CDH20: variants seen among roughly 807,000 people sequenced by gnomAD.
The protein encoded by CDH20 is cadherin-20.
A neutral mutation model predicts 74.2 loss-of-function variants in CDH20; 29 were observed. That is an observed-to-expected ratio of 0.39 (90% confidence interval 0.29 to 0.53). The LOEUF (loss-of-function observed/expected upper bound fraction) is 0.53. Among genes scored for constraint, CDH20 ranks in the 20% least tolerant of loss-of-function variants. CDH20 has a pLI of 0.69. For synonymous variants in CDH20, 469 were observed against 405.4 expected, an observed-to-expected ratio of 1.16 and a Z score of -1.88; for missense variants, 988 against 1,048.3, an observed-to-expected ratio of 0.94 and a Z score of 0.79.
chr18:61,518,225 C>A (rs898417565), intron 6 of CDH20, among the ~76,000 whole-genome samples: 1 of 152,218 alleles, frequency 6.6e-6, no homozygotes, highest in African/African-American at 2.4e-5. Flanking sequence ...TGCCTGCCAG[C>A]TCTGAAGACA....
At chr18:61,491,450 T>G (rs112807529) in intron 2 of CDH20, among the ~76,000 whole-genome samples, 3 of 152,292 alleles carry the variant, frequency 2.0e-5, no homozygotes, top group African/African-American at 7.2e-5. Flanking sequence ...GACAAGAAAC[T>G]AATTAGAAAA....
intron 6 of CDH20, among the ~76,000 whole-genome samples, chr18:61,515,808 T>C (rs1175512693): frequency 6.8e-6 from 1 of 147,550 alleles, no homozygotes; most frequent in Non-Finnish European, 1.5e-5. Context: ...GGGATAGCAT[T>C]GGGAGATATA....
At position 61,555,496 on chromosome 18, in the gene CDH20, A is replaced by C. The variant is rs1913599827; in HGVS notation, c.*801A>C. 1 of 985,400 alleles carries C rather than the reference A, an allele frequency of 1.0e-6. No homozygotes were observed. Among genetic ancestry groups the C allele is most frequent in the East Asian group, 1.1e-4 (1 of 8,816 alleles). The allele number at this position is 985,400 out of a possible 1,614,324, so 61.0% of individuals were successfully genotyped here. ...CTGTAGATGTCTCTTCCATGTGCCAAATGTGGAGATTAGATGCTACAAATG... is the reference window on the plus strand; with the variant it reads ...CTGTAGATGTCTCTTCCATGTGCCACATGTGGAGATTAGATGCTACAAATG... On this transcript the variant is annotated 3_prime_UTR_variant, in exon 12 of 12. Transcript: ENST00000262717.
At chr18:61,336,406 C>A (rs999058803) in intron 1 of CDH20, among the ~76,000 whole-genome samples, 4 of 152,316 alleles carry the variant, frequency 2.6e-5, no homozygotes, top group Non-Finnish European at 4.4e-5. Flanking sequence ...CTCAGATGTA[C>A]CCTCTACCCT....
chr18:61,512,076 G>C (rs904719846), intron 6 of CDH20, among the ~76,000 whole-genome samples: 1 of 152,076 alleles, frequency 6.6e-6, no homozygotes, highest in Admixed American at 6.5e-5. Context: ...TTCTGCTTTT[G>C]ATTTATTTCC....
At chr18:61,370,990 A>G (rs1333184908) in intron 1 of CDH20, among the ~76,000 whole-genome samples, 1 of 152,148 alleles carries the variant, frequency 6.6e-6, no homozygotes, top group Non-Finnish European at 1.5e-5. Flanking sequence ...TGATGGTAAT[A>G]AAATCTATGT....
chr18:61,430,589 T>C lies in CDH20; in HGVS notation c.-152-59813T>C, dbSNP rs1045308662. ...AAGCAAAGTATCTACACACATTATT[T>C]GGAATTATTCTGCAATGAGATTTAT... On this transcript the variant is annotated intron_variant, in intron 1 of 11. Coordinates refer to ENST00000262717, the MANE Select transcript of CDH20 (RefSeq NM_031891.4). Among the ~76,000 whole-genome samples, 22 of 152,230 alleles carry C rather than the reference T, an allele frequency of 1.4e-4. 1 individual carries two copies. The highest frequency in any genetic ancestry group is 2.9e-5 in the Non-Finnish European group (2 of 68,034).
chr18:61,546,182 T>G (rs1177906522), intron 10 of CDH20, among the ~76,000 whole-genome samples: 1 of 152,198 alleles, frequency 6.6e-6, no homozygotes, highest in Non-Finnish European at 1.5e-5. Context: ...AAATATTAAT[T>G]GCCGCTTTGT....
At chr18:61,427,167 C>T (rs1913100057) in intron 1 of CDH20, among the ~76,000 whole-genome samples, 1 of 152,000 alleles carries the variant, frequency 6.6e-6, no homozygotes, top group Admixed American at 6.6e-5. Context: ...GTTCACTTCC[C>T]TAAGTCTGTT....
At chr18:61,374,590 C>T (rs1205619207) in intron 1 of CDH20, among the ~76,000 whole-genome samples, 1 of 152,112 alleles carries the variant, frequency 6.6e-6, no homozygotes, top group Non-Finnish European at 1.5e-5. Context: ...GCATTTTGCA[C>T]AGAATTATCT....
At chr18:61,459,409 G>A (rs1909691555) in intron 1 of CDH20, among the ~76,000 whole-genome samples, 1 of 152,130 alleles carries the variant, frequency 6.6e-6, no homozygotes, top group Non-Finnish European at 1.5e-5. Context: ...GAGAGATTTG[G>A]GATGAAGGGG....
intron 1 of CDH20, among the ~76,000 whole-genome samples, chr18:61,408,870 TAACTA>T (rs1262997594): frequency 6.6e-6 from 1 of 152,142 alleles, no homozygotes; most frequent in Non-Finnish European, 1.5e-5. Context: ...TGTCTAATTT[TAACTA>T]AACTAAACTT....
chr18:61,531,139 G>A lies in CDH20; in HGVS notation c.1271+2919G>A, dbSNP rs73453585. Among the ~76,000 whole-genome samples the A allele has an allele frequency of 4.1e-3, 622 of 152,316 alleles. 5 individuals carry two copies. The highest frequency in any genetic ancestry group is 0.014 in the African/African-American group (595 of 41,566). ...CAGCATCCTATTCAGGGAAACAAAG[G>A]CTATTATTCCCTCAATTCTGGCCCC... On this transcript the variant is annotated intron_variant, in intron 7 of 11. Coordinates refer to ENST00000262717, the MANE Select transcript of CDH20 (RefSeq NM_031891.4).
intron 1 of CDH20, among the ~76,000 whole-genome samples, chr18:61,363,924 T>C (rs564239741): frequency 2.0e-5 from 3 of 152,118 alleles, no homozygotes; most frequent in Admixed American, 1.3e-4. Context: ...TACAAAAGAA[T>C]AGAGAGAATG....
intron 1 of CDH20, among the ~76,000 whole-genome samples, chr18:61,345,107 T>C (rs1288253436): frequency 6.6e-6 from 1 of 152,230 alleles, no homozygotes; most frequent in African/African-American, 2.4e-5. Context: ...CTTCCTGTTC[T>C]TAGGAAGGAC....
At chr18:61,404,312 G>T (rs562739176) in intron 1 of CDH20, among the ~76,000 whole-genome samples, 3 of 152,202 alleles carry the variant, frequency 2.0e-5, no homozygotes, top group South Asian at 2.1e-4. Flanking sequence ...GAAAAACATG[G>T]TTTATTACTT....
intron 1 of CDH20, among the ~76,000 whole-genome samples, chr18:61,462,725 G>GA (rs1026230069): frequency 1.7e-5 from 1 of 59,408 alleles, no homozygotes; most frequent in African/African-American, 7.5e-5. Context: ...AAAAAAAAAA[G>GA]GGGGGGGGGG....
At position 61,353,610 on chromosome 18, in the gene CDH20, T is replaced by C. The variant is rs2144117754; in HGVS notation, c.-153+19783T>C. Among the ~76,000 whole-genome samples, 1 of 152,312 alleles carries C rather than the reference T, an allele frequency of 6.6e-6. No individual in the cohort carries two copies. Among genetic ancestry groups the C allele is most frequent in the East Asian group, 1.9e-4 (1 of 5,192 alleles). ...TATTTTAGTGTTTGTTAAGATTTTG[T>C]TCAGTTAAATTTAATGGACCCTCAA... On this transcript the variant is annotated intron_variant, in intron 1 of 11. Coordinates refer to ENST00000262717, the MANE Select transcript of CDH20 (RefSeq NM_031891.4). This position sits in a 1 kb window ranked among gnomAD's most constrained non-coding sequence, Gnocchi z 4.6.
chr18:61,455,172 T>C (rs764007561), intron 1 of CDH20, among the ~76,000 whole-genome samples: 10 of 152,202 alleles, frequency 6.6e-5, no homozygotes, highest in Non-Finnish European at 1.0e-4. Context: ...TTCAAAAGTG[T>C]CAATATCATG....
Sources: allele counts gnomAD v4.1 joint callset (sites outside exome capture counted in the v4.1 genomes callset), GRCh38; gene constraint gnomAD v4.1.1; non-coding constraint Gnocchi (gnomAD v3.1); transcripts MANE v1.5; gene names NCBI Gene and HGNC (gene_info 2026-07-23, HGNC 2026-07-21).